GPR158: variants seen among roughly 807,000 people sequenced by gnomAD.
GPR158 encodes the protein metabotropic glycine receptor.
GPR158 carries 30 observed loss-of-function variants against 78.2 expected under a neutral mutation model. That is an observed-to-expected ratio of 0.38 (90% CI 0.29 to 0.52). The LOEUF is 0.52. Ranked by LOEUF, GPR158 falls within the 20% of genes least tolerant of loss-of-function variation. The pLI, the probability that GPR158 is intolerant of heterozygous loss-of-function variation, is 0.83. For missense variants in GPR158, 1,463 were observed against 1,523.5 expected (o/e 0.96, Z 0.66); for synonymous variants, 581 against 591.1 (o/e 0.98, Z 0.25).
intron 4 of GPR158, among the ~76,000 whole-genome samples, chr10:25,421,418 G>A (rs947489): frequency 0.7 from 106,369 of 151,996 alleles, 38,230 homozygotes; most frequent in Non-Finnish European, 0.8. Context: ...ATACATAAAA[G>A]CTGGTCTAAT....
intron 1 of GPR158, among the ~76,000 whole-genome samples, chr10:25,203,150 T>G (rs1215530871): frequency 1.3e-5 from 2 of 152,254 alleles, no homozygotes; most frequent in African/African-American, 4.8e-5. Flanking sequence ...ATTCTGGATA[T>G]TAGCCCTTTG....
At chr10:25,439,028 T>C (rs981285929) in intron 4 of GPR158, among the ~76,000 whole-genome samples, 1 of 152,220 alleles carries the variant, frequency 6.6e-6, no homozygotes, top group Non-Finnish European at 1.5e-5. Context: ...AGTGGCAGAA[T>C]TGAATAGTTA....
At chr10:25,214,036 C>G (rs554523361) in intron 1 of GPR158, among the ~76,000 whole-genome samples, 6 of 152,222 alleles carry the variant, frequency 3.9e-5, no homozygotes, top group African/African-American at 1.4e-4. Flanking sequence ...GCTCTATCGC[C>G]CAGGCTGGAG....
intron 7 of GPR158, among the ~76,000 whole-genome samples, chr10:25,579,425 A>AC (rs1473396931): frequency 1.3e-5 from 2 of 152,176 alleles, no homozygotes; most frequent in Non-Finnish European, 1.5e-5. Context: ...GTCCTCCAGT[A>AC]TGGGGGACCC....
intron 4 of GPR158, among the ~76,000 whole-genome samples, chr10:25,453,031 C>A (rs113241511): frequency 0.012 from 1,851 of 152,250 alleles, 21 homozygotes; most frequent in Non-Finnish European, 0.018. Context: ...CCAGTTTTAT[C>A]CATGTTGTCA....
chr10:25,577,445 T>C (rs1275114453), intron 7 of GPR158, among the ~76,000 whole-genome samples: 1 of 152,098 alleles, frequency 6.6e-6, no homozygotes, highest in Non-Finnish European at 1.5e-5. Flanking sequence ...AAAGAAAAAG[T>C]GATGGTTAAA....
At chr10:25,269,690 C>T (rs1854090806) in intron 2 of GPR158, among the ~76,000 whole-genome samples, 1 of 152,176 alleles carries the variant, frequency 6.6e-6, no homozygotes, top group African/African-American at 2.4e-5. Flanking sequence ...ATTTAGCTCT[C>T]ACTGCAACCA....
rs569538737 is a variant in GPR158, at chr10:25,277,656, G to A, written c.1008+56499G>A. On this transcript the variant is annotated intron_variant, in intron 2 of 10. Transcript: ENST00000376351. Reference sequence around the variant, plus strand: ...TGAGAGTTTGTCATGTGAATTAATGGCTTCCTGGTGGAGAATCCTGTGGAG... The same window carrying A: ...TGAGAGTTTGTCATGTGAATTAATGACTTCCTGGTGGAGAATCCTGTGGAG... Among the ~76,000 whole-genome samples the A allele has an allele frequency of 3.9e-5, 6 of 152,298 alleles. No homozygotes were observed. In the East Asian group the frequency reaches 1.2e-3, roughly 29 times the overall value.
chr10:25,490,780 T>C (rs1014375410), intron 5 of GPR158, among the ~76,000 whole-genome samples: 1 of 151,082 alleles, frequency 6.6e-6, no homozygotes, highest in African/African-American at 2.4e-5. Flanking sequence ...TATAGCAGCA[T>C]GATTTATAGT....
chr10:25,522,406 A>G (rs1298016213), intron 5 of GPR158, among the ~76,000 whole-genome samples: 2 of 152,188 alleles, frequency 1.3e-5, no homozygotes, highest in African/African-American at 2.4e-5. Flanking sequence ...TTTTATAAAG[A>G]GAGATATTCC....
At chr10:25,182,488 C>A (rs1308021343) in intron 1 of GPR158, among the ~76,000 whole-genome samples, 2 of 152,120 alleles carry the variant, frequency 1.3e-5, no homozygotes, top group African/African-American at 4.8e-5. Context: ...GATTATCCTC[C>A]CATTTTCTAG....
chr10:25,189,024 C>T (rs1852731059), intron 1 of GPR158, among the ~76,000 whole-genome samples: 1 of 152,142 alleles, frequency 6.6e-6, no homozygotes, highest in African/African-American at 2.4e-5. Flanking sequence ...CCAACAGACA[C>T]ATGAAAAAAT....
Position 25,598,858 on chromosome 10 carries a change from G to A in GPR158, c.3232G>A (p.Gly1078Ser). Reference protein sequence around the residue: ...KAEVCLWESQGQSILEDEKLL... With the variant: ...KAEVCLWESQSQSILEDEKLL... ...TGAAGTATGCCTTTGGGAGAGCCAA[G>A]GCCAGTCCATTTTGGAAGATGAGAA... The change falls in exon 11 of 11, where the codon GGC (glycine) becomes AGC (serine). Residue 1078 changes from glycine (G) to serine (S), a missense_variant. Physicochemically the swap from Gly to Ser is moderately conservative, Grantham distance 56 (BLOSUM62 0). Transcript: ENST00000376351. 6.2e-7 allele frequency: 1 copy of A among 1,614,114 alleles called. No individual in the cohort carries two copies. The highest frequency in any genetic ancestry group is 8.5e-7 in the Non-Finnish European group (1 of 1,180,014).
intron 1 of GPR158, among the ~76,000 whole-genome samples, chr10:25,200,863 G>GTTTT (rs1209435056): frequency 1.2e-5 from 1 of 84,504 alleles, no homozygotes; most frequent in Non-Finnish European, 2.4e-5. Context: ...TCTGTTTTTT[G>GTTTT]TTTTGTTTTT....
chr10:25,438,955 G>A (rs1436294379), intron 4 of GPR158, among the ~76,000 whole-genome samples: 1 of 152,152 alleles, frequency 6.6e-6, no homozygotes, highest in Non-Finnish European at 1.5e-5. Context: ...CACAAATACA[G>A]TTTTATTGGG....
chr10:25,209,436 T>C (rs1321055237), intron 1 of GPR158, among the ~76,000 whole-genome samples: 1 of 148,468 alleles, frequency 6.7e-6, no homozygotes, highest in Non-Finnish European at 1.5e-5. Context: ...AATGAATGAG[T>C]AAATTGTATC....
chr10:25,560,907 C>T (rs1836851321), intron 6 of GPR158, among the ~76,000 whole-genome samples: 1 of 152,042 alleles, frequency 6.6e-6, no homozygotes, highest in African/African-American at 2.4e-5. Context: ...ACAGAGAAAA[C>T]AGATTCAAAA....
intron 2 of GPR158, among the ~76,000 whole-genome samples, chr10:25,377,412 C>A (rs1341233813): frequency 6.6e-6 from 1 of 151,974 alleles, no homozygotes; most frequent in Non-Finnish European, 1.5e-5. Flanking sequence ...ATAAAATTTA[C>A]CTTTCTAAAG....
rs748718063 is a variant in GPR158, at chr10:25,412,257, T to C, written c.1119T>C (p.Gly373=). ...VLPVNNFRRR[G]PDQHISGSTK... is the part of the protein sequence containing the mutation. ...TTTATTTGGAACTTTCAGGAAGGGG[T>C]CCGGATCAGCATATTTCAGGAAGTA... is the stretch of plus-strand genomic sequence containing the variant. Residue 373 remains glycine, a synonymous_variant, in exon 4 of 11, where the codon GGT becomes GGC. Coordinates refer to ENST00000376351, the MANE Select transcript of GPR158 (RefSeq NM_020752.3). 1.2e-6 allele frequency: 2 copies of C among 1,612,726 alleles called. No homozygotes were observed. Among genetic ancestry groups the C allele is most frequent in the Non-Finnish European group, 1.7e-6 (2 of 1,178,886 alleles).
Sources: gnomAD v4.1 joint callset for allele counts (sites outside exome capture counted in the v4.1 genomes callset) on GRCh38, gnomAD v4.1.1 for gene constraint, MANE v1.5 for transcripts, NCBI Gene and HGNC (gene_info 2026-07-23, HGNC 2026-07-21) for gene names.